Variants in CNTNAP2 observed in about 807,000 individuals in gnomAD.
CNTNAP2 encodes contactin associated protein 2.
Under a neutral mutation model 155.2 loss-of-function variants are expected in CNTNAP2, and 98 were observed. The ratio of observed to expected loss-of-function variants is 0.63; its 90% confidence interval spans 0.54 to 0.75. The LOEUF is 0.75. Among genes scored for constraint, CNTNAP2 ranks in the 30% least tolerant of loss-of-function variants. The pLI, the probability that CNTNAP2 is intolerant of heterozygous loss-of-function variation, is 0.00. For missense variants in CNTNAP2, 1,727 were observed against 1,688.1 expected (o/e 1.02, Z -0.40); for synonymous variants, 651 against 631.2 (o/e 1.03, Z -0.47).
rs186893846 is a variant in CNTNAP2, at chr7:147,996,690, A to T, written c.2383+18701A>T. On this transcript the variant is annotated intron_variant, in intron 15 of 23. Transcript: ENST00000361727. ...ATATTACAGAAAAAGAGTAGAACTCATTTAAAACCCTCAGTTTTGTAATAC... is the reference window on the plus strand; with the variant it reads ...ATATTACAGAAAAAGAGTAGAACTCTTTTAAAACCCTCAGTTTTGTAATAC... Among the ~76,000 whole-genome samples, 780 of 152,360 alleles carry T rather than the reference A, an allele frequency of 5.1e-3. 5 individuals are homozygous for T. Among genetic ancestry groups the T allele is most frequent in the African/African-American group, 0.018 (735 of 41,578 alleles).
Position 147,194,152 on chromosome 7 carries a change from A to C in CNTNAP2, c.1348+61643A>C, listed in dbSNP as rs569470462. On this transcript the variant is annotated intron_variant, in intron 8 of 23. Transcript: ENST00000361727. ...TGTGTCCATGTGCTCTCATTGTTCA[A>C]CTCCCACTTATGAGTGAGAACATGC... Among the ~76,000 whole-genome samples, 6 of 151,000 alleles carry C rather than the reference A, an allele frequency of 4.0e-5. No homozygotes were observed. In the South Asian group the frequency reaches 1.3e-3, roughly 32 times the overall value.
intron 13 of CNTNAP2, chr7:147,672,855 C>G (rs1235136065): frequency 6.6e-6 from 1 of 152,034 alleles, no homozygotes; most frequent in African/African-American, 2.4e-5. Context: ...GCTTCCGTTT[C>G]AAAAACGTCT....
intron 1 of CNTNAP2, among the ~76,000 whole-genome samples, chr7:146,696,528 TTCTG>T (rs1335051281): frequency 6.6e-6 from 1 of 152,162 alleles, no homozygotes; most frequent in Non-Finnish European, 1.5e-5. Context: ...TTTCATTTCT[TTCTG>T]CCCTAATTTG....
chr7:146,404,138 A>G lies in CNTNAP2; in HGVS notation c.97+287165A>G, dbSNP rs532611996. Among the ~76,000 whole-genome samples the G allele has an allele frequency of 4.7e-3, 705 of 150,694 alleles. 10 individuals carry two copies. Among genetic ancestry groups the G allele is most frequent in the Non-Finnish European group, 8.1e-3 (547 of 67,762 alleles). ...AGACTCCGTCTCAAAAAAAAAAAAA[A>G]AAAACAAAGAACTTGGCCTCTTGGT... On this transcript the variant is annotated intron_variant, in intron 1 of 23. Transcript: ENST00000361727.
chr7:147,562,401 T>C, intron 12 of CNTNAP2, 144 bp downstream of exon 12: 4 of 1,062,420 alleles, frequency 3.8e-6, no homozygotes, highest in Non-Finnish European at 5.6e-6. Context: ...TTAGATAAGA[T>C]GATGAAATGT....
At chr7:146,376,410 A>G (rs974666817) in intron 1 of CNTNAP2, among the ~76,000 whole-genome samples, 3 of 152,142 alleles carry the variant, frequency 2.0e-5, no homozygotes, top group African/African-American at 4.8e-5. Flanking sequence ...ACAACATGCT[A>G]TAATATTTCT....
intron 9 of CNTNAP2, among the ~76,000 whole-genome samples, chr7:147,391,721 C>A (rs2116445156): frequency 6.6e-6 from 1 of 152,184 alleles, no homozygotes; most frequent in Admixed American, 6.5e-5. Context: ...TCTTCTGTCT[C>A]ATGGAGTGTC....
intron 3 of CNTNAP2, among the ~76,000 whole-genome samples, chr7:146,848,339 T>A (rs1196232301): frequency 6.6e-6 from 1 of 152,086 alleles, no homozygotes; most frequent in African/African-American, 2.4e-5. Context: ...GCAGACAGAT[T>A]TATCGTGAAA....
intron 3 of CNTNAP2, among the ~76,000 whole-genome samples, chr7:146,906,927 C>G (rs1242321629): frequency 6.8e-6 from 1 of 146,364 alleles, no homozygotes. Context: ...GAATGTATAA[C>G]TAGAATAACC....
At chr7:146,990,399 G>A (rs73463288) in intron 3 of CNTNAP2, among the ~76,000 whole-genome samples, 1 of 152,232 alleles carries the variant, frequency 6.6e-6, no homozygotes, top group Admixed American at 6.5e-5. Flanking sequence ...CTGTATATCT[G>A]CCTTGTAAGA....
At chr7:147,507,609 G>A (rs1798930928) in intron 11 of CNTNAP2, among the ~76,000 whole-genome samples, 2 of 140,822 alleles carry the variant, frequency 1.4e-5, no homozygotes, top group African/African-American at 2.7e-5. Context: ...CTGGAGTGCA[G>A]TAGGGCAATC....
chr7:146,135,678 C>A (rs1797787164), intron 1 of CNTNAP2, among the ~76,000 whole-genome samples: 1 of 152,084 alleles, frequency 6.6e-6, no homozygotes, highest in African/African-American at 2.4e-5. Flanking sequence ...TTTTTACCTA[C>A]CTTAGTAAAA....
intron 1 of CNTNAP2, among the ~76,000 whole-genome samples, chr7:146,680,153 T>C (rs1303964534): frequency 2.6e-5 from 4 of 152,172 alleles, no homozygotes; most frequent in African/African-American, 7.2e-5. Context: ...GACCACTTTA[T>C]ACATGAGGAC....
intron 1 of CNTNAP2, among the ~76,000 whole-genome samples, chr7:146,700,623 A>G (rs73457213): frequency 0.019 from 2,943 of 152,228 alleles, 100 homozygotes; most frequent in African/African-American, 0.068. Flanking sequence ...AGGAAGTTAT[A>G]TCAGAATAAG....
At chr7:147,802,075 C>A (rs541403746) in intron 13 of CNTNAP2, among the ~76,000 whole-genome samples, 9 of 141,336 alleles carry the variant, frequency 6.4e-5, no homozygotes, top group Admixed American at 3.5e-4. Flanking sequence ...AGTTGCCGGG[C>A]GGAGGGTCTC....
At chr7:146,359,247 G>A (rs1795047039) in intron 1 of CNTNAP2, among the ~76,000 whole-genome samples, 1 of 152,220 alleles carries the variant, frequency 6.6e-6, no homozygotes, top group African/African-American at 2.4e-5. Context: ...TATGTAATGA[G>A]TCTGGGAAGT....
chr7:147,561,768 A>G (rs890634122), intron 11 of CNTNAP2, among the ~76,000 whole-genome samples: 7 of 152,196 alleles, frequency 4.6e-5, no homozygotes, highest in African/African-American at 1.7e-4. Flanking sequence ...TTAGTTCATA[A>G]CCAACAAAGC....
chr7:146,591,504 C>A lies in CNTNAP2; in HGVS notation c.98-182767C>A, dbSNP rs74809757. Among the ~76,000 whole-genome samples the A allele has an allele frequency of 3.3e-3, 473 of 143,352 alleles. 1 individual carries two copies. Among genetic ancestry groups the A allele is most frequent in the Admixed American group, 5.5e-3 (80 of 14,502 alleles). 94.0% of individuals were successfully genotyped at this position (143,352 alleles called of 152,430 possible). Reference sequence around the variant, plus strand: ...AATTTTAGCAGTCTATCAATAAAATCTTGATCAAACACCACTTATTCAGCT... The same window carrying A: ...AATTTTAGCAGTCTATCAATAAAATATTGATCAAACACCACTTATTCAGCT... On this transcript the variant is annotated intron_variant, in intron 1 of 23. Transcript: ENST00000361727.
chr7:147,064,391 A>C (rs951696918), intron 4 of CNTNAP2, among the ~76,000 whole-genome samples: 4 of 152,150 alleles, frequency 2.6e-5, no homozygotes, highest in African/African-American at 9.7e-5. Context: ...CTACCATAAA[A>C]ACCTCTCCAT....
Sources: allele counts gnomAD v4.1 joint callset (sites outside exome capture counted in the v4.1 genomes callset), GRCh38; gene constraint gnomAD v4.1.1; transcripts MANE v1.5; gene names NCBI Gene and HGNC (gene_info 2026-07-23, HGNC 2026-07-21).